Variants in SPTB observed in about 807,000 individuals in gnomAD.
SPTB encodes the protein spectrin beta, erythrocytic.
A neutral mutation model predicts 256.2 loss-of-function variants in SPTB; 45 were observed. The observed-to-expected ratio is 0.18, with a 90% CI of 0.14 to 0.23. The LOEUF is 0.23. SPTB is among the 10% of genes least tolerant of loss of function. The pLI, the probability that SPTB is intolerant of heterozygous loss-of-function variation, is 1.00. For synonymous variants in SPTB, 1,231 were observed against 1,243.1 expected (o/e 0.99, Z 0.21); for missense variants, 2,715 against 3,040.4 (o/e 0.89, Z 2.52).
At chr14:64,770,785 G>A (rs1392651010) in intron 27 of SPTB, 100 bp downstream of exon 27, 2 of 1,556,800 alleles carry the variant, frequency 1.3e-6, no homozygotes, top group Non-Finnish European at 1.8e-6. Context: ...GATAGTCCAG[G>A]ACTGTCCCTT....
At chr14:64,833,601 A>C (rs2083480242) in intron 1 of SPTB, among the ~76,000 whole-genome samples, 1 of 151,606 alleles carries the variant, frequency 6.6e-6, no homozygotes, top group African/African-American at 2.4e-5. Flanking sequence ...CATCCCCTGC[A>C]GTAGGTGGAG....
At chr14:64,761,073 C>A (rs1174773868) in intron 32 of SPTB, among the ~76,000 whole-genome samples, 6 of 152,170 alleles carry the variant, frequency 3.9e-5, no homozygotes, top group African/African-American at 1.4e-4. Flanking sequence ...CCAAACAAGA[C>A]CCCCTGCTAG....
Position 64,826,037 on chromosome 14 carries a change from G to C in SPTB, c.-51-2892C>G, listed in dbSNP as rs1398963603. 6.6e-6 allele frequency among the ~76,000 whole-genome samples: 1 copy of C among 152,228 alleles called. No individual in the cohort carries two copies. Among genetic ancestry groups the C allele is most frequent in the Non-Finnish European group, 1.5e-5 (1 of 68,044 alleles). On this transcript the variant is annotated intron_variant, in intron 1 of 35. Transcript: ENST00000644917. This position sits in a 1 kb window ranked among gnomAD's most constrained non-coding sequence, Gnocchi z 4.4. ...TCCCTGAAAACAAACACCAAGGAAA[G>C]ATGATTCAGAAATGAAAGTGAGGCC...
intron 28 of SPTB, 143 bp from the exon 29 acceptor site, chr14:64,769,261 GT>G: frequency 2.3e-6 from 2 of 853,688 alleles, no homozygotes; most frequent in Non-Finnish European, 3.9e-6. Context: ...TGCCAGCTGT[GT>G]GGCCTGGGGC....
At chr14:64,822,372 T>TCACACACACACA (rs1355459775) in intron 2 of SPTB, among the ~76,000 whole-genome samples, 8 of 2,426 alleles carry the variant, frequency 3.3e-3, no homozygotes, top group Non-Finnish European at 4.2e-3. Context: ...TCTCTCTCTC[T>TCACACACACACA]CTCACACACA....
intron 1 of SPTB, among the ~76,000 whole-genome samples, chr14:64,830,558 A>G (rs1458903222): frequency 6.6e-6 from 1 of 151,870 alleles, no homozygotes; most frequent in Non-Finnish European, 1.5e-5. Flanking sequence ...TGTTTATTCA[A>G]TATTTATTCA....
In SPTB at chr14:64,866,671, A is replaced by G. The variant is rs1239435286; in HGVS notation, c.-52+13121T>C. Among the ~76,000 whole-genome samples, 9 of 152,140 alleles carry G rather than the reference A, an allele frequency of 5.9e-5. No individual in the cohort carries two copies. Among genetic ancestry groups the G allele is most frequent in the Non-Finnish European group, 1.3e-4 (9 of 68,036 alleles). On this transcript the variant is annotated intron_variant, in intron 1 of 35. Coordinates refer to ENST00000644917, the MANE Select transcript of SPTB (RefSeq NM_001355436.2). The surrounding 1 kb of genome is among the most constrained non-coding windows in gnomAD (Gnocchi z 4.6). ...CAAAACATGCTCAGAGGCCTGAGCA[A>G]GCAGAATTCGGGTGAGTCCAGCCGT...
chr14:64,831,291 G>A lies in SPTB; in HGVS notation c.-51-8146C>T, dbSNP rs561098897. 8.5e-4 allele frequency among the ~76,000 whole-genome samples: 129 copies of A among 152,128 alleles called. 1 individual carries two copies. Among genetic ancestry groups the A allele is most frequent in the Non-Finnish European group, 1.4e-3 (97 of 67,992 alleles). ...GAATCTCTAGCTTTTTCTCTTTTCC[G>A]CCTTCACTTTAACATGCACAAGTCT... On this transcript the variant is annotated intron_variant, in intron 1 of 35. Coordinates refer to ENST00000644917, the MANE Select transcript of SPTB (RefSeq NM_001355436.2).
intron 2 of SPTB, 31 bp from the exon 3 acceptor site, chr14:64,805,121 C>G: frequency 6.2e-7 from 1 of 1,614,016 alleles, no homozygotes; most frequent in Non-Finnish European, 8.5e-7. Flanking sequence ...TGGTGAGGTG[C>G]CTGAGGTTGG....
Position 64,795,446 on chromosome 14 carries a change from T to A in SPTB, c.1535A>T (p.Tyr512Phe), listed in dbSNP as rs753847520. The change falls in exon 12 of 36, where the codon TAC becomes TTC. Residue 512 changes from tyrosine (Y) to phenylalanine (F), a missense_variant. Around this residue, in one of 4 missense-constraint regions of SPTB, gnomAD observed 2,239 missense variants for 2,384.4 expected, o/e 0.94. Transcript: ENST00000644917. The surrounding 1 kb of genome is among the most constrained non-coding windows in gnomAD (Gnocchi z 6.5). ...RKDNILRLWS[Y>F]LQELLQSRRQ... ...CCGGGACTGCAGCAGCTCCTGCAGG[T>A]AGCTCCATAGGCGCAGTATATTGTC... 1 of 1,614,168 alleles carries A rather than the reference T, an allele frequency of 6.2e-7. No homozygotes were observed. Among genetic ancestry groups the A allele is most frequent in the South Asian group, 1.1e-5 (1 of 91,090 alleles).
intron 2 of SPTB, among the ~76,000 whole-genome samples, chr14:64,809,178 T>A (rs1000325236): frequency 2.0e-5 from 3 of 149,470 alleles, no homozygotes; most frequent in Non-Finnish European, 3.0e-5. Context: ...AGGAGAATTG[T>A]TTGAACTCAG....
In SPTB at chr14:64,802,288, T is replaced by C. The variant is rs770172668; in HGVS notation, c.504A>G (p.Glu168=). ...CCTTGGCTGAGCGTGTTTCACGACC[T>C]TCCTGAGTTTGGACCACAATGTCCT... ...QIQDIVVQTQ[E]GRETRSAKDA... The change falls in exon 5 of 36, where the codon GAA becomes GAG. Residue 168 remains glutamate (E), a synonymous_variant. Transcript: ENST00000644917. This position sits in a 1 kb window ranked among gnomAD's most constrained non-coding sequence, Gnocchi z 5.1. 8 of 1,614,230 alleles carry C rather than the reference T, an allele frequency of 5.0e-6. No homozygotes were observed. The highest frequency in any genetic ancestry group is 6.8e-6 in the Non-Finnish European group (8 of 1,180,042).
intron 1 of SPTB, among the ~76,000 whole-genome samples, chr14:64,851,872 G>A (rs1218143114): frequency 1.3e-5 from 2 of 151,786 alleles, no homozygotes; most frequent in East Asian, 1.9e-4. Flanking sequence ...GTGGGGGGTG[G>A]AGGGGGGAGG....
At chr14:64,828,242 T>C (rs2083402863) in intron 1 of SPTB, among the ~76,000 whole-genome samples, 1 of 151,382 alleles carries the variant, frequency 6.6e-6, no homozygotes, top group Admixed American at 6.6e-5. Flanking sequence ...ACTTGTCCAC[T>C]CTCATCATGG....
intron 32 of SPTB, chr14:64,757,112 T>A (rs1355001853): frequency 6.6e-6 from 1 of 152,186 alleles, no homozygotes; most frequent in Non-Finnish European, 1.5e-5. Flanking sequence ...CTGCTCCTGC[T>A]ACCATCAGTG....
rs2082067190 is a variant in SPTB at position 64,759,791 on chromosome 14, G to A, written c.6346-5998C>T. Among the ~76,000 whole-genome samples, 1 of 152,238 alleles carries A rather than the reference G, an allele frequency of 6.6e-6. No homozygotes were observed. The highest frequency in any genetic ancestry group is 2.4e-5 in the African/African-American group (1 of 41,470). On this transcript the variant is annotated intron_variant, in intron 32 of 35. Coordinates refer to ENST00000644917, the MANE Select transcript of SPTB (RefSeq NM_001355436.2). The surrounding 1 kb of genome is among the most constrained non-coding windows in gnomAD (Gnocchi z 4.8). ...AGGGCTGCCACCCACCGGAGCAGGG[G>A]ACACTCTGAAGGAAGAGAGTCCCGC...
rs2082716649 is a variant in SPTB at position 64,793,669 on chromosome 14, T to C, written c.1994A>G (p.Tyr665Cys). The change falls in exon 14 of 36, where the codon TAT (tyrosine) becomes TGT (cysteine). Residue 665 changes from tyrosine (Y) to cysteine (C), a missense_variant. Around this residue, in one of 4 missense-constraint regions of SPTB, gnomAD observed 2,239 missense variants for 2,384.4 expected, o/e 0.94. Coordinates refer to ENST00000644917, the MANE Select transcript of SPTB (RefSeq NM_001355436.2). This position sits in a 1 kb window ranked among gnomAD's most constrained non-coding sequence, Gnocchi z 7.0. ...EKEQIYSSLD[Y>C]GKDLTSVLIL... ...GAGCACACTGGTCAGGTCTTTGCCA[T>C]AGTCCAGGGAAGAATAGATCTGCTC... 4 of 1,614,040 alleles carry C rather than the reference T, an allele frequency of 2.5e-6. No individual in the cohort carries two copies. Among genetic ancestry groups the C allele is most frequent in the South Asian group, 2.2e-5 (2 of 91,090 alleles).
chr14:64,838,901 C>A (rs546562038), intron 1 of SPTB, among the ~76,000 whole-genome samples: 2 of 151,900 alleles, frequency 1.3e-5, no homozygotes, highest in African/African-American at 4.8e-5. Context: ...GGGAGGCCGA[C>A]GCAGGTGGAT....
At chr14:64,769,422 C>A (rs533569385) in intron 28 of SPTB, among the ~76,000 whole-genome samples, 168 bp downstream of exon 28, 2 of 152,336 alleles carry the variant, frequency 1.3e-5, no homozygotes, top group Non-Finnish European at 2.9e-5. Context: ...AGTGCGCTTG[C>A]TGGGGCTCCA....
Sources: allele counts gnomAD v4.1 joint callset (sites outside exome capture counted in the v4.1 genomes callset), GRCh38; gene constraint gnomAD v4.1.1; regional missense constraint gnomAD v4.1.1; non-coding constraint Gnocchi (gnomAD v3.1); transcripts MANE v1.5; gene names NCBI Gene and HGNC (gene_info 2026-07-23, HGNC 2026-07-21).